The following MRPL45 variants were observed in gnomAD, a reference collection of about 807,000 sequenced individuals.
The protein encoded by MRPL45 is large ribosomal subunit protein mL45.
MRPL45 carries 20 observed loss-of-function variants against 38.1 expected under a neutral mutation model. That is an observed-to-expected ratio of 0.53 (90% CI 0.37 to 0.76). The LOEUF is 0.76. MRPL45 is among the 30% of genes least tolerant of loss of function. The probability of loss-of-function intolerance (pLI) is 0.00; values close to 1 mark genes in which losing one functional copy is unlikely to be tolerated. For synonymous variants in MRPL45, 105 were observed against 128.8 expected (o/e 0.82, Z 1.25); for missense variants, 337 against 395.6 (o/e 0.85, Z 1.26).
intron 4 of MRPL45, among the ~76,000 whole-genome samples, chr17:38,315,064 C>T (rs930728205): frequency 2.0e-5 from 3 of 152,216 alleles, no homozygotes; most frequent in Admixed American, 6.5e-5. Flanking sequence ...CCTTTTAAAT[C>T]ATACAGGATG....
rs182556801 is a variant in MRPL45 at position 38,300,675 on chromosome 17, G to A, written c.362+1207G>A. On this transcript the variant is annotated intron_variant, in intron 3 of 7. Coordinates refer to ENST00000613675, the MANE Select transcript of MRPL45 (RefSeq NM_032351.6). ...CATATAGATTTTATTGGCTGGGTGC[G>A]GTGGCTCACGTCTGTAATCCCAGCA... Among the ~76,000 whole-genome samples the A allele has an allele frequency of 3.5e-3, 535 of 152,074 alleles. 4 individuals carry two copies. The highest frequency in any genetic ancestry group is 0.012 in the African/African-American group (483 of 41,478).
At chr17:38,312,351 T>C (rs962623564) in intron 4 of MRPL45, among the ~76,000 whole-genome samples, 16 of 152,158 alleles carry the variant, frequency 1.1e-4, no homozygotes, top group Non-Finnish European at 7.4e-5. Flanking sequence ...CAGCCACGTA[T>C]GTCTCCTTAT....
At chr17:38,321,691 A>G (rs1427829385) in intron 6 of MRPL45, among the ~76,000 whole-genome samples, 6 of 147,464 alleles carry the variant, frequency 4.1e-5, no homozygotes, top group Middle Eastern at 3.5e-3. Flanking sequence ...TCCGTCTCCA[A>G]AAAAAAAAAA....
chr17:38,297,334 G>C, intron 1 of MRPL45, 85 bp downstream of exon 1: 1 of 1,324,978 alleles, frequency 7.5e-7, no homozygotes, highest in East Asian at 2.3e-5. Context: ...AATTGTCCTT[G>C]GTGAGCTGGG....
intron 3 of MRPL45, among the ~76,000 whole-genome samples, chr17:38,305,218 C>A (rs2037039707): frequency 7.8e-6 from 1 of 128,886 alleles, no homozygotes; most frequent in South Asian, 3.2e-4. Flanking sequence ...CCTGTAATCC[C>A]AGCACTTTGG....
chr17:38,306,266 G>A (rs1381455164), intron 3 of MRPL45, among the ~76,000 whole-genome samples: 9 of 152,108 alleles, frequency 5.9e-5, no homozygotes, highest in Middle Eastern at 3.4e-3. Flanking sequence ...AAATTTAGCC[G>A]CGTGTGGTCG....
chr17:38,303,950 C>T (rs1252131258), intron 3 of MRPL45, among the ~76,000 whole-genome samples: 1 of 152,086 alleles, frequency 6.6e-6, no homozygotes, highest in Non-Finnish European at 1.5e-5. Context: ...TGATTGCCTC[C>T]CTCTTACGTT....
intron 3 of MRPL45, among the ~76,000 whole-genome samples, chr17:38,302,470 G>C (rs1319417550): frequency 4.4e-5 from 5 of 114,276 alleles, no homozygotes; most frequent in Non-Finnish European, 6.7e-5. Flanking sequence ...CTGGGCAACA[G>C]AGTGAGACTC....
In MRPL45 at chr17:38,318,575, G is replaced by A. The variant is rs1052888145; in HGVS notation, c.462-112G>A. ...TTTATACCTGGCTTATACTAGATGT[G>A]CCGAAAACATTTGTAAAAATGAATT... On this transcript the variant is annotated intron_variant, in intron 4 of 7. Coordinates refer to ENST00000613675, the MANE Select transcript of MRPL45 (RefSeq NM_032351.6). 1.8e-5 allele frequency: 14 copies of A among 776,408 alleles called. No individual in the cohort carries two copies. In the South Asian group the frequency reaches 2.0e-4, roughly 11 times the overall value. 48.1% of individuals were successfully genotyped at this position (776,408 alleles called of 1,614,324 possible). A position where few individuals can be genotyped will look rare whatever the true frequency, so the allele number is the denominator to read the frequency against.
chr17:38,306,173 G>A lies in MRPL45; in HGVS notation c.363-360G>A, dbSNP rs555382610. Among the ~76,000 whole-genome samples, 329 of 151,712 alleles carry A rather than the reference G, an allele frequency of 2.2e-3. 1 individual carries two copies. The highest frequency in any genetic ancestry group is 4.1e-3 in the Non-Finnish European group (275 of 67,830). On this transcript the variant is annotated intron_variant, in intron 3 of 7. Coordinates refer to ENST00000613675, the MANE Select transcript of MRPL45 (RefSeq NM_032351.6). ...GCCTGTAATCCCAGGACTTTGGGAG[G>A]CCGAGGCGGGCGGATCCTGAGGTCA...
At chr17:38,316,904 T>C (rs1374006656) in intron 4 of MRPL45, among the ~76,000 whole-genome samples, 1 of 152,042 alleles carries the variant, frequency 6.6e-6, no homozygotes, top group African/African-American at 2.4e-5. Context: ...TTCAAGCGAT[T>C]CTCCTGCCTC....
intron 6 of MRPL45, 143 bp from the exon 7 acceptor site, chr17:38,321,983 G>A: frequency 1.3e-6 from 1 of 783,332 alleles, no homozygotes; most frequent in South Asian, 1.8e-5. Flanking sequence ...AGTGAGCTGA[G>A]ATCATGCCAC....
intron 4 of MRPL45, among the ~76,000 whole-genome samples, chr17:38,313,228 C>T (rs2037131162): frequency 6.8e-6 from 1 of 147,704 alleles, no homozygotes. Flanking sequence ...CGTGATCCAC[C>T]CGCCTTGGCC....
At chr17:38,303,340 C>T (rs1456831655) in intron 3 of MRPL45, among the ~76,000 whole-genome samples, 2 of 145,538 alleles carry the variant, frequency 1.4e-5, no homozygotes. Context: ...CTCTGTTGCC[C>T]AGGCTGGAGT....
chr17:38,320,411 G>C (rs1396329983), intron 5 of MRPL45, among the ~76,000 whole-genome samples: 2 of 152,176 alleles, frequency 1.3e-5, no homozygotes, highest in African/African-American at 2.4e-5. Flanking sequence ...TTGTGATATA[G>C]ATGAAGAGAG....
intron 4 of MRPL45, among the ~76,000 whole-genome samples, chr17:38,308,775 C>T (rs2037079165): frequency 1.3e-5 from 2 of 152,068 alleles, no homozygotes; most frequent in Non-Finnish European, 2.9e-5. Flanking sequence ...GGGGTTTTGC[C>T]ATGTTGGCTA....
chr17:38,313,942 C>T (rs917644848), intron 4 of MRPL45, among the ~76,000 whole-genome samples: 7 of 151,974 alleles, frequency 4.6e-5, no homozygotes, highest in African/African-American at 9.7e-5. Context: ...GGATTACAGG[C>T]GTGAGCCACT....
chr17:38,315,703 T>C (rs1216558706), intron 4 of MRPL45, among the ~76,000 whole-genome samples: 1 of 151,978 alleles, frequency 6.6e-6, no homozygotes, highest in African/African-American at 2.4e-5. Flanking sequence ...TGAATGTCTT[T>C]CATCAGATTT....
chr17:38,301,029 TAA>T (rs768217799), intron 3 of MRPL45, among the ~76,000 whole-genome samples: 152 of 152,342 alleles, frequency 1.0e-3, no homozygotes, highest in Non-Finnish European at 1.6e-3. Context: ...AACCAAAGAA[TAA>T]AATCCAGATA....
Sources: allele counts gnomAD v4.1 joint callset (sites outside exome capture counted in the v4.1 genomes callset), GRCh38; gene constraint gnomAD v4.1.1; transcripts MANE v1.5; gene names NCBI Gene and HGNC (gene_info 2026-07-23, HGNC 2026-07-21).